Variants in LUZP2 observed in about 807,000 individuals in gnomAD.
The protein encoded by LUZP2 is leucine zipper protein 2.
In LUZP2, 52 loss-of-function variants were observed where a neutral mutation model predicts 51.6. That is an observed-to-expected ratio of 1.01 (90% confidence interval 0.81 to 1.27). The LOEUF is 1.27. Ranked by LOEUF, LUZP2 falls within the 50% of genes most tolerant of loss-of-function variation. The probability of loss-of-function intolerance (pLI) is 0.00; values close to 1 mark genes in which losing one functional copy is unlikely to be tolerated. For missense variants in LUZP2, 436 were observed against 395.4 expected (o/e 1.10, Z -0.87); for synonymous variants, 154 against 137.3 (o/e 1.12, Z -0.85).
At position 25,079,126 on chromosome 11, in the gene LUZP2, A is replaced by T. The variant is rs1859402590; in HGVS notation, c.*468A>T. On this transcript the variant is annotated 3_prime_UTR_variant, in exon 12 of 12. Coordinates refer to ENST00000336930, the MANE Select transcript of LUZP2 (RefSeq NM_001009909.4). ...TCAAGGTTGGAATTTGTGCCAACCT[A>T]AATACGTTGTTTCTTTGATGGTGTT... 6.5e-6 allele frequency: 1 copy of T among 153,520 alleles called. No individual in the cohort carries two copies. Among genetic ancestry groups the T allele is most frequent in the Admixed American group, 6.5e-5 (1 of 15,324 alleles). 9.5% of individuals were successfully genotyped at this position (153,520 alleles called of 1,614,324 possible). A position where few individuals can be genotyped will look rare whatever the true frequency, so the allele number is the denominator to read the frequency against.
At chr11:24,651,803 A>T (rs1280393976) in intron 1 of LUZP2, among the ~76,000 whole-genome samples, 1 of 152,142 alleles carries the variant, frequency 6.6e-6, no homozygotes, top group African/African-American at 2.4e-5. Flanking sequence ...CTTTAATAGA[A>T]AAATACTGAG....
chr11:24,845,123 A>C (rs1040991748), intron 5 of LUZP2, among the ~76,000 whole-genome samples: 1 of 152,150 alleles, frequency 6.6e-6, no homozygotes, highest in African/African-American at 2.4e-5. Flanking sequence ...AGCAGCAGAC[A>C]CTCAATGCCA....
At chr11:24,641,512 T>C (rs1397332117) in intron 1 of LUZP2, among the ~76,000 whole-genome samples, 4 of 151,842 alleles carry the variant, frequency 2.6e-5, no homozygotes, top group Non-Finnish European at 5.9e-5. Context: ...CTGTTGAACA[T>C]CAAAAGGTGA....
intron 5 of LUZP2, among the ~76,000 whole-genome samples, chr11:24,830,175 C>T (rs753149127): frequency 2.0e-5 from 3 of 152,016 alleles, no homozygotes; most frequent in African/African-American, 4.8e-5. Context: ...ACTATCAGAA[C>T]TAGTATCTGT....
intron 9 of LUZP2, among the ~76,000 whole-genome samples, chr11:24,984,549 T>TATATATATATATATATATAA (rs60530495): frequency 0.077 from 5,414 of 70,730 alleles, 415 homozygotes; most frequent in Non-Finnish European, 0.09. Context: ...TATATATATA[T>TATATATATATATATATATAA]AATTGTGAAT....
intron 1 of LUZP2, among the ~76,000 whole-genome samples, chr11:24,659,973 AAT>A (rs1855964037): frequency 6.6e-6 from 1 of 152,150 alleles, no homozygotes; most frequent in Admixed American, 6.6e-5. Flanking sequence ...TTAGGTCCAT[AAT>A]CAGTTCACTT....
intron 5 of LUZP2, among the ~76,000 whole-genome samples, chr11:24,865,911 G>T (rs536040915): frequency 6.6e-6 from 1 of 151,960 alleles, no homozygotes; most frequent in East Asian, 1.9e-4. Context: ...CCAGGTTCAA[G>T]CAATTCTCCT....
chr11:24,808,986 T>G (rs1387827196), intron 5 of LUZP2, among the ~76,000 whole-genome samples: 1 of 152,142 alleles, frequency 6.6e-6, no homozygotes, highest in Non-Finnish European at 1.5e-5. Context: ...TTTAATTTTC[T>G]TTTGGAAGAT....
chr11:25,044,183 A>G (rs1420543847), intron 9 of LUZP2, among the ~76,000 whole-genome samples: 1 of 85,086 alleles, frequency 1.2e-5, no homozygotes, highest in Non-Finnish European at 2.5e-5. Context: ...ATATACACAC[A>G]CACATATATA....
chr11:24,933,575 C>T (rs957106123), intron 7 of LUZP2, among the ~76,000 whole-genome samples: 1 of 152,120 alleles, frequency 6.6e-6, no homozygotes, highest in African/African-American at 2.4e-5. Flanking sequence ...TTAGTAAGGG[C>T]TTCAGAGTCA....
chr11:25,041,179 C>T (rs1308336405), intron 9 of LUZP2, among the ~76,000 whole-genome samples: 1 of 152,130 alleles, frequency 6.6e-6, no homozygotes, highest in Non-Finnish European at 1.5e-5. Flanking sequence ...AAGACCTTGA[C>T]TGGATGCCTG....
intron 5 of LUZP2, among the ~76,000 whole-genome samples, chr11:24,885,447 T>C (rs1852639365): frequency 1.3e-5 from 2 of 152,080 alleles, no homozygotes; most frequent in Non-Finnish European, 2.9e-5. Flanking sequence ...TGTTACAAAA[T>C]GTGTTGAAAG....
At chr11:24,514,780 G>A (rs1850413998) in intron 1 of LUZP2, among the ~76,000 whole-genome samples, 1 of 152,170 alleles carries the variant, frequency 6.6e-6, no homozygotes. Flanking sequence ...TCTCCCCACT[G>A]GTGTTGAAGA....
intron 5 of LUZP2, among the ~76,000 whole-genome samples, chr11:24,775,461 A>C (rs937280751): frequency 6.6e-6 from 1 of 152,332 alleles, no homozygotes; most frequent in East Asian, 1.9e-4. Context: ...CATAATATAA[A>C]GAAACATAAA....
chr11:24,923,091 G>T (rs773024843), intron 7 of LUZP2, among the ~76,000 whole-genome samples: 1 of 151,580 alleles, frequency 6.6e-6, no homozygotes, highest in Non-Finnish European at 1.5e-5. Flanking sequence ...CTCGTGATCC[G>T]CCTGCTTCGG....
rs1164471373 is a variant in LUZP2, at chr11:25,081,127, G to C, written c.*2469G>C. 1 of 140,254 alleles carries C rather than the reference G, an allele frequency of 7.1e-6. No homozygotes were observed. Among genetic ancestry groups the C allele is most frequent in the African/African-American group, 2.6e-5 (1 of 38,986 alleles). The allele number at this position is 140,254 out of a possible 1,614,324, so 8.7% of individuals were successfully genotyped here. On this transcript the variant is annotated 3_prime_UTR_variant, in exon 12 of 12. Coordinates refer to ENST00000336930, the MANE Select transcript of LUZP2 (RefSeq NM_001009909.4). Reference sequence around the variant, plus strand: ...TGGCTCACTGCAACTCTGCTTCCCAGGTTCAAGTGATTCTCCCTGCCTCCG... The same window carrying C: ...TGGCTCACTGCAACTCTGCTTCCCACGTTCAAGTGATTCTCCCTGCCTCCG...
At chr11:24,574,792 A>G (rs909513050) in intron 1 of LUZP2, among the ~76,000 whole-genome samples, 1 of 152,132 alleles carries the variant, frequency 6.6e-6, no homozygotes, top group Admixed American at 6.6e-5. Context: ...TTTCAAAACG[A>G]TGGCTTCCAA....
intron 1 of LUZP2, among the ~76,000 whole-genome samples, chr11:24,622,073 T>C (rs2133908045): frequency 6.6e-6 from 1 of 152,146 alleles, no homozygotes; most frequent in African/African-American, 2.4e-5. Flanking sequence ...CCCAAGCAGC[T>C]GGGACTACAG....
At chr11:24,896,444 T>C (rs1853056173) in intron 5 of LUZP2, among the ~76,000 whole-genome samples, 2 of 152,154 alleles carry the variant, frequency 1.3e-5, no homozygotes, top group African/African-American at 4.8e-5. Context: ...GGCCAGCAGC[T>C]GCAGAGGGGG....
Sources: gnomAD v4.1 joint callset for allele counts (sites outside exome capture counted in the v4.1 genomes callset) on GRCh38, gnomAD v4.1.1 for gene constraint, MANE v1.5 for transcripts, NCBI Gene and HGNC (gene_info 2026-07-23, HGNC 2026-07-21) for gene names.